The following WAC variants were observed in gnomAD, a reference collection of about 807,000 sequenced individuals.
WAC encodes WW domain containing adaptor with coiled-coil.
A neutral mutation model predicts 79.6 loss-of-function variants in WAC; 11 were observed. The observed-to-expected ratio is 0.14, with a 90% confidence interval of 0.09 to 0.23. WAC has a LOEUF of 0.23. Ranked by LOEUF, WAC falls within the 10% of genes least tolerant of loss-of-function variation. The probability of loss-of-function intolerance (pLI) is 1.00; values close to 1 mark genes in which losing one functional copy is unlikely to be tolerated. For synonymous variants in WAC, 304 were observed against 276.9 expected, an observed-to-expected ratio of 1.10 and a Z score of -0.97; for missense variants, 728 against 773.5, an observed-to-expected ratio of 0.94 and a Z score of 0.70.
intron 3 of WAC, among the ~76,000 whole-genome samples, chr10:28,544,094 G>T: frequency 6.6e-6 from 1 of 152,178 alleles, no homozygotes; most frequent in East Asian, 1.9e-4. Flanking sequence ...TGTTGGCCAG[G>T]CTGGTCTTGA....
chr10:28,593,259 CAT>C (rs1840188932), intron 6 of WAC, among the ~76,000 whole-genome samples: 1 of 152,066 alleles, frequency 6.6e-6, no homozygotes, highest in South Asian at 2.1e-4. Flanking sequence ...CTATCCAAAA[CAT>C]ATTGGCAGAG....
At chr10:28,550,659 A>G (rs1837617146) in intron 3 of WAC, among the ~76,000 whole-genome samples, 1 of 152,194 alleles carries the variant, frequency 6.6e-6, no homozygotes, top group Non-Finnish European at 1.5e-5. Context: ...GATGTCCCTC[A>G]AACTTTTAAG....
At chr10:28,541,415 G>GTGTGTTTTTTTTTTTTT (rs1212601285) in intron 3 of WAC, among the ~76,000 whole-genome samples, 1 of 37,904 alleles carries the variant, frequency 2.6e-5, no homozygotes, top group Non-Finnish European at 4.2e-5. Context: ...GTGTGTGTGT[G>GTGTGTTTTTTTTTTTTT]TTTTGTTTTT....
rs750941388 is a variant in WAC at position 28,559,135 on chromosome 10, G to GGTGTGTGT, written c.274+23378_274+23379insGTGTGTGT. ...TTAAATCTCTGCTCTCGAGAAACCT[G>GGTGTGTGT]ATGTGTGTGTGTGTGTGTGTGTGTG... On this transcript the variant is annotated intron_variant, in intron 3 of 13. Coordinates refer to ENST00000354911, the MANE Select transcript of WAC (RefSeq NM_016628.5). Among the ~76,000 whole-genome samples the GGTGTGTGT allele has an allele frequency of 5.6e-4, 36 of 64,804 alleles. No homozygotes were observed. The South Asian group carries it at 9.0e-3, about 16-fold the overall frequency. The allele number at this position is 64,804 out of a possible 152,430, so 42.5% of individuals were successfully genotyped here.
At chr10:28,614,495 G>C (rs1180756901) in intron 10 of WAC, 72 bp from the exon 11 acceptor site, 1 of 929,720 alleles carries the variant, frequency 1.1e-6, no homozygotes, top group Non-Finnish European at 1.6e-6. Context: ...GTTTCAAGAC[G>C]ATTACCTAGA....
In WAC at chr10:28,589,746, C is replaced by G; in HGVS notation, c.392C>G (p.Ser131Cys). 1 of 1,601,616 alleles carries G rather than the reference C, an allele frequency of 6.2e-7. No individual in the cohort carries two copies. The highest frequency in any genetic ancestry group is 8.5e-7 in the Non-Finnish European group (1 of 1,172,682). The change falls in exon 5 of 14, where the codon TCT (serine) becomes TGT (cysteine). Residue 131 changes from serine to cysteine, a missense_variant. This residue lies in a region of WAC where 648 missense variants were observed against 661.5 expected (regional missense o/e 0.98). Transcript: ENST00000354911. ...AAATATATTTTTAAGCCTTATGATTCTGCAGATGACTGGTCTGAGCATATT... is the reference window on the plus strand; with the variant it reads ...AAATATATTTTTAAGCCTTATGATTGTGCAGATGACTGGTCTGAGCATATT... ...PSKTSDAPYD[S>C]ADDWSEHISS...
chr10:28,541,415 G>GTGTGTTTTTTT (rs1212601285), intron 3 of WAC, among the ~76,000 whole-genome samples: 3 of 37,904 alleles, frequency 7.9e-5, no homozygotes, highest in African/African-American at 1.5e-4. Context: ...GTGTGTGTGT[G>GTGTGTTTTTTT]TTTTGTTTTT....
rs764934182 is a variant in WAC, at chr10:28,556,388, A to ATTTTTTTTTTTTTTTTTTT, written c.274+20640_274+20658dup. On this transcript the variant is annotated intron_variant, in intron 3 of 13. Coordinates refer to ENST00000354911, the MANE Select transcript of WAC (RefSeq NM_016628.5). ...TAGATTCAATTTCGTTGCCCATTAA[A>ATTTTTTTTTTTTTTTTTTT]TTTTTTTTTTTTTTTTTTTTTTTTT... Among the ~76,000 whole-genome samples the ATTTTTTTTTTTTTTTTTTT allele has an allele frequency of 8.7e-4, 48 of 55,092 alleles. 3 individuals are homozygous for ATTTTTTTTTTTTTTTTTTT. The highest frequency in any genetic ancestry group is 0.026 in the Middle Eastern group (1 of 38). 36.1% of individuals were successfully genotyped at this position (55,092 alleles called of 152,430 possible).
At chr10:28,536,824 A>G (rs947111578) in intron 3 of WAC, among the ~76,000 whole-genome samples, 2 of 152,334 alleles carry the variant, frequency 1.3e-5, no homozygotes, top group Middle Eastern at 3.4e-3. Context: ...AGACACCTAT[A>G]TTCTCTCCTA....
intron 7 of WAC, among the ~76,000 whole-genome samples, chr10:28,607,737 T>C (rs1023282454): frequency 2.0e-5 from 3 of 152,236 alleles, no homozygotes; most frequent in African/African-American, 7.2e-5. Context: ...CAGTGTCTTA[T>C]TGAGGTAGGT....
chr10:28,551,124 T>G (rs2807757), intron 3 of WAC, among the ~76,000 whole-genome samples: 87,659 of 152,010 alleles, frequency 0.58, 25,837 homozygotes, highest in East Asian at 0.67. Flanking sequence ...TGGGGTGGTG[T>G]TAGTGGTGGT....
intron 3 of WAC, among the ~76,000 whole-genome samples, chr10:28,558,327 C>T (rs1471931508): frequency 6.6e-6 from 1 of 151,930 alleles, no homozygotes; most frequent in Non-Finnish European, 1.5e-5. Flanking sequence ...GCTCAGCCTG[C>T]GGTGTTTGAG....
intron 11 of WAC, chr10:28,615,075 G>C (rs1468259111): frequency 6.0e-6 from 1 of 166,458 alleles, no homozygotes; most frequent in Non-Finnish European, 1.3e-5. Flanking sequence ...TCTAAAACTT[G>C]GGCCAATGTT....
rs1197568753 is a variant in WAC at position 28,607,135 on chromosome 10, TTAAA to T, written c.920-1048_920-1045del. ...GTCTATTTTGACGTATAGAAATTCT[TTAAA>T]TAGTCTGATTACCACTACTTTGAAT... is the stretch of plus-strand genomic sequence containing the variant. On this transcript the variant is annotated intron_variant, in intron 7 of 13. Transcript: ENST00000354911. 3.9e-5 allele frequency among the ~76,000 whole-genome samples: 6 copies of T among 152,336 alleles called. No homozygotes were observed. In the East Asian group the frequency reaches 9.6e-4, roughly 24 times the overall value.
At chr10:28,614,890 TTGAAGAAAGTGGC>T in intron 11 of WAC, 1 of 386,532 alleles carries the variant, frequency 2.6e-6, no homozygotes, top group Non-Finnish European at 4.6e-6. Flanking sequence ...CCGGGTTATT[TTGAAGAAAGTGGC>T]TCTTTAAAAT....
chr10:28,604,507 A>G lies in WAC; in HGVS notation c.920-3679A>G, dbSNP rs113897902. On this transcript the variant is annotated intron_variant, in intron 7 of 13. Coordinates refer to ENST00000354911, the MANE Select transcript of WAC (RefSeq NM_016628.5). Reference sequence around the variant, plus strand: ...AGCACTTTGGGAAGCCGAGGTGAACAGATCAGTTGAGGCCAGGAGTTCGAG... The same window carrying G: ...AGCACTTTGGGAAGCCGAGGTGAACGGATCAGTTGAGGCCAGGAGTTCGAG... Among the ~76,000 whole-genome samples, 603 of 152,206 alleles carry G rather than the reference A, an allele frequency of 4.0e-3. 6 individuals are homozygous for G. Among genetic ancestry groups the G allele is most frequent in the African/African-American group, 0.014 (585 of 41,530 alleles).
At chr10:28,603,256 T>C (rs1045165447) in intron 7 of WAC, among the ~76,000 whole-genome samples, 1 of 152,216 alleles carries the variant, frequency 6.6e-6, no homozygotes, top group South Asian at 2.1e-4. Context: ...ATTGCATGTT[T>C]TAAGAAAATT....
At chr10:28,605,501 G>T (rs1219200544) in intron 7 of WAC, among the ~76,000 whole-genome samples, 3 of 152,150 alleles carry the variant, frequency 2.0e-5, no homozygotes, top group Non-Finnish European at 4.4e-5. Context: ...CTTCAGAGAT[G>T]TCACTTGCCC....
intron 3 of WAC, among the ~76,000 whole-genome samples, chr10:28,574,536 G>A (rs181039946): frequency 2.5e-4 from 38 of 152,006 alleles, no homozygotes; most frequent in African/African-American, 8.7e-4. Context: ...TCTGCCTCCC[G>A]GGTTCTGGCG....
Sources: allele counts gnomAD v4.1 joint callset (sites outside exome capture counted in the v4.1 genomes callset), GRCh38; gene constraint gnomAD v4.1.1; regional missense constraint gnomAD v4.1.1; transcripts MANE v1.5; gene names NCBI Gene and HGNC (gene_info 2026-07-23, HGNC 2026-07-21).